PFKFB3: variants seen among roughly 807,000 people sequenced by gnomAD.
The protein encoded by PFKFB3 is 6-phosphofructo-2-kinase/fructose-2,6-biphosphatase 3.
PFKFB3 carries 33 observed loss-of-function variants against 68.0 expected under a neutral mutation model. That is an observed-to-expected ratio of 0.49 (90% CI 0.37 to 0.65). PFKFB3 has a LOEUF of 0.65. Among genes scored for constraint, PFKFB3 ranks in the 30% least tolerant of loss-of-function variants. The probability of loss-of-function intolerance (pLI) is 0.00; values close to 1 mark genes in which losing one functional copy is unlikely to be tolerated. For synonymous variants in PFKFB3, 315 were observed against 288.2 expected (o/e 1.09, Z -0.94); for missense variants, 586 against 712.2 (o/e 0.82, Z 2.02).
At chr10:6,314,991 G>A in the PFKFB3 span, among the ~76,000 whole-genome samples, 2 of 152,188 alleles carry the variant, frequency 1.3e-5, no homozygotes, top group Admixed American at 1.3e-4. Context: ...CAGAAGCCCT[G>A]CAGGGACTCT....
At chr10:6,178,330 C>T (rs370199720) in intron 1 of PFKFB3, among the ~76,000 whole-genome samples, 1 of 152,098 alleles carries the variant, frequency 6.6e-6, no homozygotes, top group East Asian at 1.9e-4. Flanking sequence ...GTTCCAGGGT[C>T]CATCAGCAAC....
intron 14 of PFKFB3, among the ~76,000 whole-genome samples, chr10:6,242,060 G>C (rs926428177): frequency 2.6e-5 from 4 of 151,866 alleles, no homozygotes; most frequent in African/African-American, 9.7e-5. Context: ...TGCCCAGGCT[G>C]GTCTTTAACT....
Position 6,202,980 on chromosome 10 carries a change from G to T in PFKFB3, c.-281G>T. On this transcript the variant is annotated 5_prime_UTR_variant, in exon 1 of 15. Transcript: ENST00000379775. The stretch of plus-strand genomic sequence containing the variant: ...CAGCAGGGCCTGGTGGCGAGAGCGC[G>T]GCTGTCACTGCGCCCGAGCATCCCA... 1.5e-6 allele frequency: 2 copies of T among 1,304,056 alleles called. No individual in the cohort carries two copies. The highest frequency in any genetic ancestry group is 1.9e-6 in the Non-Finnish European group (2 of 1,027,400). The allele number at this position is 1,304,056 out of a possible 1,614,324, so 80.8% of individuals were successfully genotyped here.
At chr10:6,230,011 T>C (rs547283666) in intron 14 of PFKFB3, among the ~76,000 whole-genome samples, 1 of 152,242 alleles carries the variant, frequency 6.6e-6, no homozygotes, top group South Asian at 2.1e-4. Context: ...GCCCAGGGGT[T>C]AGGGACCCCT....
At chr10:6,281,166 C>CTCATATATATATATATATAT in the PFKFB3 span, among the ~76,000 whole-genome samples, 475 of 84,420 alleles carry the variant, frequency 5.6e-3, 131 homozygotes, top group Middle Eastern at 0.044. Flanking sequence ...AGTATTCCAT[C>CTCATATATATATATATATAT]ATATATATAT....
chr10:6,285,241 CT>C, the PFKFB3 span, among the ~76,000 whole-genome samples: 7 of 136,324 alleles, frequency 5.1e-5, no homozygotes, highest in East Asian at 2.1e-4. Flanking sequence ...TTTTTTTTGT[CT>C]TTTTTTTTGA....
At chr10:6,216,453 T>G (rs988377130) in intron 4 of PFKFB3, among the ~76,000 whole-genome samples, 1 of 151,644 alleles carries the variant, frequency 6.6e-6, no homozygotes, top group Non-Finnish European at 1.5e-5. Context: ...ACTGTCCCAT[T>G]GCACATTACT....
chr10:6,251,442 T>A (rs1846377777), intron 14 of PFKFB3, among the ~76,000 whole-genome samples: 1 of 152,252 alleles, frequency 6.6e-6, no homozygotes, highest in Non-Finnish European at 1.5e-5. Context: ...CAGTTTCCTT[T>A]TTCTTTTTTC....
At chr10:6,203,487 C>T (rs1843477117) in intron 1 of PFKFB3, 151 bp downstream of exon 1, 1 of 248,052 alleles carries the variant, frequency 4.0e-6, no homozygotes. Flanking sequence ...GCTGCGCGTC[C>T]TTGGCCGGGC....
intron 6 of PFKFB3, among the ~76,000 whole-genome samples, chr10:6,217,806 T>C (rs1844689454): frequency 6.6e-6 from 1 of 152,206 alleles, no homozygotes; most frequent in South Asian, 2.1e-4. Flanking sequence ...ATGGTTACTA[T>C]GGAGACTTAC....
chr10:6,307,716 G>A, the PFKFB3 span, among the ~76,000 whole-genome samples: 17 of 152,126 alleles, frequency 1.1e-4, no homozygotes, highest in Non-Finnish European at 2.1e-4. Flanking sequence ...AGCCTGAGGT[G>A]ATGAAAATCC....
chr10:6,304,612 C>T, the PFKFB3 span, among the ~76,000 whole-genome samples: 28 of 151,252 alleles, frequency 1.9e-4, no homozygotes, highest in African/African-American at 3.4e-4. Context: ...CTGCCCTCCT[C>T]GACCTCCCAA....
intron 1 of PFKFB3, among the ~76,000 whole-genome samples, chr10:6,179,218 A>C (rs1411427632): frequency 6.6e-6 from 1 of 152,236 alleles, no homozygotes; most frequent in African/African-American, 2.4e-5. Flanking sequence ...CCGAGGTCAC[A>C]CAGCGTGTGA....
intron 1 of PFKFB3, among the ~76,000 whole-genome samples, chr10:6,150,618 G>A (rs1026561270): frequency 2.6e-5 from 4 of 151,496 alleles, no homozygotes; most frequent in Non-Finnish European, 5.9e-5. Context: ...GAGCGAGACT[G>A]TCTCAAAAAT....
At chr10:6,293,269 G>T in the PFKFB3 span, 1 of 421,692 alleles carries the variant, frequency 2.4e-6, no homozygotes, top group South Asian at 2.0e-5. Flanking sequence ...TCTGTCTGTT[G>T]ATTTCACAGA....
the PFKFB3 span, among the ~76,000 whole-genome samples, chr10:6,278,367 C>T: frequency 1.3e-5 from 2 of 151,758 alleles, no homozygotes; most frequent in African/African-American, 4.8e-5. Flanking sequence ...CCTCCAACTC[C>T]CTGGTTCAAA....
chr10:6,163,532 C>T (rs763031011), intron 1 of PFKFB3, among the ~76,000 whole-genome samples: 1 of 152,038 alleles, frequency 6.6e-6, no homozygotes, highest in Admixed American at 6.5e-5. Context: ...GGTAGGGGGG[C>T]CAGACGGGAC....
At chr10:6,268,146 C>A in the PFKFB3 span, among the ~76,000 whole-genome samples, 1 of 151,910 alleles carries the variant, frequency 6.6e-6, no homozygotes, top group Admixed American at 6.6e-5. Context: ...ACAGGCAGAG[C>A]CCCTAAGGTG....
At chr10:6,299,014 C>T in the PFKFB3 span, among the ~76,000 whole-genome samples, 155 of 152,280 alleles carry the variant, frequency 1.0e-3, no homozygotes, top group African/African-American at 3.2e-3. Context: ...ATTTCCTTCT[C>T]GGATGTAATG....
Sources: allele counts gnomAD v4.1 joint callset (sites outside exome capture counted in the v4.1 genomes callset), GRCh38; gene constraint gnomAD v4.1.1; transcripts MANE v1.5; gene names NCBI Gene and HGNC (gene_info 2026-07-23, HGNC 2026-07-21).